Variants in SFI1 observed in about 807,000 individuals in gnomAD.
The protein encoded by SFI1 is protein SFI1 homolog.
A neutral mutation model predicts 207.5 loss-of-function variants in SFI1; 195 were observed. The observed-to-expected ratio is 0.94, with a 90% CI of 0.84 to 1.06. SFI1 has a LOEUF of 1.06. Among genes scored for constraint, SFI1 ranks in the 50% least tolerant of loss-of-function variants. The pLI, the probability that SFI1 is intolerant of heterozygous loss-of-function variation, is 0.00. For missense variants in SFI1, 1,634 were observed against 1,588.0 expected (o/e 1.03, Z -0.49); for synonymous variants, 630 against 598.9 (o/e 1.05, Z -0.76).
At chr22:31,509,394 G>A (rs1248104964) in intron 2 of SFI1, among the ~76,000 whole-genome samples, 5 of 152,216 alleles carry the variant, frequency 3.3e-5, no homozygotes, top group African/African-American at 7.2e-5. Context: ...AGGCTTGTGA[G>A]CCCCTGGTAA....
In SFI1 at chr22:31,613,619, T is replaced by C; in HGVS notation, c.2760T>C (p.His920=). 1 of 1,587,870 alleles carries C rather than the reference T, an allele frequency of 6.3e-7. No homozygotes were observed. The highest frequency in any genetic ancestry group is 1.1e-5 in the South Asian group (1 of 88,336). The change falls in exon 27 of 33, where the codon CAT becomes CAC. Residue 920 remains histidine, a synonymous_variant. Coordinates refer to ENST00000400288, the MANE Select transcript of SFI1 (RefSeq NM_001007467.3). ...TGTTGTAGGCGGCTCACAGTCTCCATCGTGCCGTCCGCCGCTGTGCCACGC... is the reference window on the plus strand; with the variant it reads ...TGTTGTAGGCGGCTCACAGTCTCCACCGTGCCGTCCGCCGCTGTGCCACGC... The part of the protein sequence containing the change: ...QQQVQAAHSL[H]RAVRRCATLW...
intron 9 of SFI1, among the ~76,000 whole-genome samples, chr22:31,573,982 T>G (rs1304428133): frequency 6.6e-6 from 1 of 152,240 alleles, no homozygotes; most frequent in Non-Finnish European, 1.5e-5. Flanking sequence ...GGATAGTTTC[T>G]GTTTGTCTCC....
At chr22:31,599,648 T>C (rs1344424935) in intron 15 of SFI1, among the ~76,000 whole-genome samples, 1 of 151,256 alleles carries the variant, frequency 6.6e-6, no homozygotes, top group African/African-American at 2.4e-5. Context: ...TTTTTTTTTC[T>C]AATTTTTTGT....
At chr22:31,614,564 G>A (rs1441158051) in intron 27 of SFI1, 1 of 696,068 alleles carries the variant, frequency 1.4e-6, no homozygotes, top group South Asian at 1.5e-5. Context: ...TTGTTCTGCA[G>A]GTCAAAAGAG....
chr22:31,582,693 C>G (rs1407869608), intron 12 of SFI1, among the ~76,000 whole-genome samples: 1 of 152,042 alleles, frequency 6.6e-6, no homozygotes, highest in Non-Finnish European at 1.5e-5. Flanking sequence ...TTTCATCTTG[C>G]AAAATTGAAA....
At chr22:31,553,854 T>TG (rs2060892391) in intron 6 of SFI1, among the ~76,000 whole-genome samples, 2 of 120,210 alleles carry the variant, frequency 1.7e-5, no homozygotes, top group Admixed American at 8.7e-5. Context: ...TTTTTTTTTT[T>TG]TTTTTTTTTT....
At chr22:31,510,001 A>G (rs561429870) in intron 2 of SFI1, among the ~76,000 whole-genome samples, 9 of 151,616 alleles carry the variant, frequency 5.9e-5, no homozygotes, top group East Asian at 3.9e-4. Flanking sequence ...GCTCACTGCA[A>G]TCTCTGCCTG....
At chr22:31,550,403 G>T (rs369090515) in intron 6 of SFI1, 55 bp downstream of exon 6, 18 of 1,376,282 alleles carry the variant, frequency 1.3e-5, no homozygotes, top group Non-Finnish European at 1.8e-5. Flanking sequence ...TTTGCAGAAG[G>T]TCATAGGAAG....
At chr22:31,575,186 A>ATCT (rs10657905) in intron 9 of SFI1, 45 bp from the exon 10 acceptor site, 1,525,745 of 1,529,080 alleles carry the variant, frequency 1, 761,312 homozygotes, top group East Asian at 1. Flanking sequence ...TTTCCAGCTC[A>ATCT]TCTAACCTTA....
At chr22:31,571,730 T>C (rs915070661) in intron 8 of SFI1, among the ~76,000 whole-genome samples, 1 of 152,136 alleles carries the variant, frequency 6.6e-6, no homozygotes, top group African/African-American at 2.4e-5. Context: ...GTATATCTCC[T>C]AAAAAGGATG....
intron 15 of SFI1, among the ~76,000 whole-genome samples, chr22:31,600,639 A>C (rs1018490): frequency 0.32 from 48,408 of 152,066 alleles, 8,243 homozygotes; most frequent in East Asian, 0.43. Context: ...GGCAGTCATG[A>C]ACTCCAGTCT....
rs924163368 is a variant in SFI1 at position 31,618,182 on chromosome 22, G to A, written c.3580G>A (p.Glu1194Lys). Residue 1194 changes from glutamate to lysine, a missense_variant, in exon 32 of 33, where the codon GAG becomes AAG. By Grantham distance (56) the Glu-to-Lys change is moderately conservative (BLOSUM62 1). Transcript: ENST00000400288. ...LELNREEPGP[E>K]DQEVEQQVQK... ...GCTGAACAGAGAGGAGCCGGGGCCT[G>A]AGGACCAGGAAGTAGAGCAGCAGGT... 5.0e-6 allele frequency: 8 copies of A among 1,595,960 alleles called. No individual in the cohort carries two copies. Among genetic ancestry groups the A allele is most frequent in the Non-Finnish European group, 6.8e-6 (8 of 1,173,226 alleles).
intron 9 of SFI1, among the ~76,000 whole-genome samples, chr22:31,574,258 T>A (rs909477084): frequency 6.6e-6 from 1 of 152,208 alleles, no homozygotes; most frequent in Non-Finnish European, 1.5e-5. Flanking sequence ...AATATGTTCA[T>A]TGGAGGATAG....
chr22:31,521,956 G>A (rs1037791999), intron 2 of SFI1, among the ~76,000 whole-genome samples: 1 of 151,340 alleles, frequency 6.6e-6, no homozygotes, highest in African/African-American at 2.4e-5. Flanking sequence ...GTAGAGACGG[G>A]GTTTCATCAT....
chr22:31,589,799 G>T (rs547421808), intron 15 of SFI1, among the ~76,000 whole-genome samples: 6 of 134,746 alleles, frequency 4.5e-5, no homozygotes, highest in African/African-American at 1.6e-4. Flanking sequence ...TATTTTTTTT[G>T]TGTGTGTGTA....
rs188204697 is a variant in SFI1, at chr22:31,541,384, A to G, written c.339-5477A>G. 1.6e-4 allele frequency among the ~76,000 whole-genome samples: 25 copies of G among 152,226 alleles called. No individual in the cohort carries two copies. In the East Asian group the frequency reaches 4.4e-3, roughly 27 times the overall value. On this transcript the variant is annotated intron_variant, in intron 4 of 32. Transcript: ENST00000400288. The stretch of plus-strand genomic sequence containing the variant: ...TTTTGAATACATTTGCTGTTATTTA[A>G]TGCGGCGTGGGGAATGGAAGGAGGT...
At chr22:31,538,173 T>C (rs373653880) in intron 4 of SFI1, among the ~76,000 whole-genome samples, 1 of 152,122 alleles carries the variant, frequency 6.6e-6, no homozygotes, top group East Asian at 1.9e-4. Context: ...GGTTTCACCA[T>C]GTTGGTCTCG....
At chr22:31,617,851 CA>C (rs2072000708) in intron 31 of SFI1, among the ~76,000 whole-genome samples, 1 of 152,174 alleles carries the variant, frequency 6.6e-6, no homozygotes, top group Non-Finnish European at 1.5e-5. Context: ...TGGCTCTGCA[CA>C]GGGGGAGAGA....
chr22:31,566,487 T>C (rs2062324207), intron 8 of SFI1, among the ~76,000 whole-genome samples: 1 of 152,240 alleles, frequency 6.6e-6, no homozygotes. Context: ...CATACTGGTT[T>C]AGTTACGATT....
Sources: gnomAD v4.1 joint callset for allele counts (sites outside exome capture counted in the v4.1 genomes callset) on GRCh38, gnomAD v4.1.1 for gene constraint, MANE v1.5 for transcripts, NCBI Gene and HGNC (gene_info 2026-07-23, HGNC 2026-07-21) for gene names.